Variants in DLG2 observed in about 807,000 individuals in gnomAD.
The protein encoded by DLG2 is discs large MAGUK scaffold protein 2.
DLG2 carries 45 observed loss-of-function variants against 132.5 expected under a neutral mutation model. The ratio of observed to expected loss-of-function variants is 0.34; its 90% CI spans 0.27 to 0.44. DLG2 has a LOEUF of 0.44. DLG2 is among the 20% of genes least tolerant of loss of function. The pLI is 1.00. For missense variants in DLG2, 1,045 were observed against 1,196.9 expected, an observed-to-expected ratio of 0.87 and a Z score of 1.87; for synonymous variants, 424 against 419.6, an observed-to-expected ratio of 1.01 and a Z score of -0.13.
intron 7 of DLG2, among the ~76,000 whole-genome samples, chr11:84,421,160 C>G (rs1044743976): frequency 3.3e-5 from 5 of 152,110 alleles, no homozygotes; most frequent in African/African-American, 1.2e-4. Flanking sequence ...GTCTATGAAC[C>G]AGGAAGTGAG....
intron 7 of DLG2, among the ~76,000 whole-genome samples, chr11:84,335,015 T>G (rs80097863): frequency 0.013 from 1,945 of 151,904 alleles, 36 homozygotes; most frequent in African/African-American, 0.043. Context: ...AAAATGCAAA[T>G]AGCTAAAATT....
At chr11:84,567,024 C>A (rs2099459169) in intron 6 of DLG2, among the ~76,000 whole-genome samples, 1 of 152,118 alleles carries the variant, frequency 6.6e-6, no homozygotes. Context: ...AAAATACTTG[C>A]TGGTGAGGGG....
At chr11:84,769,083 C>G (rs1166806942) in intron 6 of DLG2, among the ~76,000 whole-genome samples, 2 of 152,084 alleles carry the variant, frequency 1.3e-5, no homozygotes, top group African/African-American at 2.4e-5. Context: ...TATGAAAAAT[C>G]TGAATGTAGT....
At chr11:83,977,702 A>G (rs1481042302) in intron 12 of DLG2, among the ~76,000 whole-genome samples, 1 of 152,104 alleles carries the variant, frequency 6.6e-6, no homozygotes, top group East Asian at 1.9e-4. Flanking sequence ...TTAACAGACT[A>G]CTGTGCTTTT....
At chr11:84,471,507 C>T (rs1471815635) in intron 7 of DLG2, among the ~76,000 whole-genome samples, 2 of 151,590 alleles carry the variant, frequency 1.3e-5, no homozygotes, top group African/African-American at 4.8e-5. Flanking sequence ...ATCTGACAGC[C>T]TTTAGCTCTG....
intron 3 of DLG2, among the ~76,000 whole-genome samples, chr11:85,529,985 T>C (rs527653222): frequency 7.0e-6 from 1 of 143,082 alleles, no homozygotes; most frequent in African/African-American, 2.6e-5. Context: ...TAGAGAGGGT[T>C]TGTTTTTTTT....
intron 9 of DLG2, among the ~76,000 whole-genome samples, chr11:84,120,703 T>G (rs1204834659): frequency 6.6e-6 from 1 of 152,212 alleles, no homozygotes; most frequent in Non-Finnish European, 1.5e-5. Context: ...AGTAACTTAG[T>G]AGTTTGCACC....
intron 6 of DLG2, among the ~76,000 whole-genome samples, chr11:85,047,136 T>C (rs2062425471): frequency 6.6e-6 from 1 of 151,942 alleles, no homozygotes; most frequent in Non-Finnish European, 1.5e-5. Flanking sequence ...TGAAATTTCC[T>C]TATTTTATGA....
At chr11:84,944,572 C>G (rs1401323172) in intron 6 of DLG2, among the ~76,000 whole-genome samples, 1 of 145,432 alleles carries the variant, frequency 6.9e-6, no homozygotes, top group African/African-American at 2.6e-5. Context: ...AGAATTTATG[C>G]TTAACTGTTT....
rs117569596 is a variant in DLG2, at chr11:85,599,189, A to T, written c.-92-401T>A. Among the ~76,000 whole-genome samples, 37 of 152,082 alleles carry T rather than the reference A, an allele frequency of 2.4e-4. 1 individual carries two copies. The East Asian group carries it at 7.0e-3, about 29-fold the overall frequency. ...AATATTTTCAGCCTTATTTCCCACT[A>T]TATAGTCCACACTCTCCAAACACAC... On this transcript the variant is annotated intron_variant, in intron 2 of 27. Transcript: ENST00000376104.
At chr11:84,310,181 T>A in intron 7 of DLG2, among the ~76,000 whole-genome samples, 1 of 152,054 alleles carries the variant, frequency 6.6e-6, no homozygotes, top group East Asian at 1.9e-4. Flanking sequence ...TTTATAGAGG[T>A]CTCCTTAGGG....
chr11:84,379,564 T>C (rs1396686024), intron 7 of DLG2, among the ~76,000 whole-genome samples: 2 of 151,966 alleles, frequency 1.3e-5, no homozygotes, highest in Non-Finnish European at 2.9e-5. Context: ...ATTCAAGATG[T>C]AGAAACATAG....
At chr11:84,357,536 G>A (rs1247272822) in intron 7 of DLG2, among the ~76,000 whole-genome samples, 1 of 151,998 alleles carries the variant, frequency 6.6e-6, no homozygotes, top group African/African-American at 2.4e-5. Flanking sequence ...CAATGGCAGT[G>A]CTTGTGTCCC....
chr11:83,969,095 T>C (rs1229889277), intron 12 of DLG2, among the ~76,000 whole-genome samples: 5 of 152,168 alleles, frequency 3.3e-5, no homozygotes, highest in African/African-American at 1.2e-4. Flanking sequence ...AGGAAGTAGA[T>C]ACTATTAATC....
intron 15 of DLG2, among the ~76,000 whole-genome samples, chr11:83,901,738 C>A (rs1281110928): frequency 1.3e-5 from 2 of 152,160 alleles, no homozygotes; most frequent in Non-Finnish European, 2.9e-5. Flanking sequence ...CAGTTTCCAT[C>A]TGCTGTTGTC....
intron 7 of DLG2, among the ~76,000 whole-genome samples, chr11:84,268,101 G>A (rs2097667170): frequency 6.6e-6 from 1 of 152,124 alleles, no homozygotes; most frequent in Admixed American, 6.5e-5. Context: ...ATTTCATACT[G>A]CTCTTTCTTG....
At chr11:85,154,523 C>G in intron 5 of DLG2, 33 bp downstream of exon 5, 1 of 1,033,174 alleles carries the variant, frequency 9.7e-7, no homozygotes, top group Non-Finnish European at 1.5e-6. Flanking sequence ...ACCCATGAAG[C>G]CTAGTAAGAA....
rs191190630 is a variant in DLG2 at position 84,357,077 on chromosome 11, T to C, written c.520-105786A>G. On this transcript the variant is annotated intron_variant, in intron 7 of 27. Transcript: ENST00000376104. ...GGAGAGGTGAGCAAAAAGTAATTGA[T>C]TTGGAGCCTCATGAGGAATCAGATT... is the stretch of plus-strand genomic sequence containing the variant. Among the ~76,000 whole-genome samples, 172 of 151,980 alleles carry C rather than the reference T, an allele frequency of 1.1e-3. 2 individuals are homozygous for C. The highest frequency in any genetic ancestry group is 4.0e-3 in the African/African-American group (168 of 41,500).
At chr11:85,399,233 G>A (rs1294842849) in intron 3 of DLG2, among the ~76,000 whole-genome samples, 2 of 152,072 alleles carry the variant, frequency 1.3e-5, no homozygotes, top group East Asian at 1.9e-4. Flanking sequence ...GGGATATGAA[G>A]GACCTCTTCA....
Sources: gnomAD v4.1 joint callset for allele counts (sites outside exome capture counted in the v4.1 genomes callset) on GRCh38, gnomAD v4.1.1 for gene constraint, MANE v1.5 for transcripts, NCBI Gene and HGNC (gene_info 2026-07-23, HGNC 2026-07-21) for gene names.